The following LCLAT1 variants were observed in gnomAD, a reference collection of about 807,000 sequenced individuals.
LCLAT1 encodes the protein 1-AGP acyltransferase 8.
A neutral mutation model predicts 30.7 loss-of-function variants in LCLAT1; 11 were observed. That is an observed-to-expected ratio of 0.36 (90% confidence interval 0.23 to 0.59). The LOEUF is 0.59. LCLAT1 is among the 20% of genes least tolerant of loss of function. LCLAT1 has a pLI of 0.77. For synonymous variants in LCLAT1, 155 were observed against 151.3 expected, an observed-to-expected ratio of 1.02 and a Z score of -0.18; for missense variants, 402 against 458.6, an observed-to-expected ratio of 0.88 and a Z score of 1.13.
intron 1 of LCLAT1, among the ~76,000 whole-genome samples, chr2:30,487,241 G>C (rs187394097): frequency 6.6e-6 from 1 of 152,218 alleles, no homozygotes; most frequent in African/African-American, 2.4e-5. Context: ...AGAATGCAAA[G>C]TTGGGAACCA....
chr2:30,597,736 A>ATGCT (rs1486285722), intron 5 of LCLAT1, among the ~76,000 whole-genome samples: 1 of 152,180 alleles, frequency 6.6e-6, no homozygotes, highest in East Asian at 1.9e-4. Flanking sequence ...TTCAAGGGGA[A>ATGCT]TGCTTCCAGC....
chr2:30,456,994 T>C (rs1196991312), intron 1 of LCLAT1, among the ~76,000 whole-genome samples: 3 of 152,206 alleles, frequency 2.0e-5, no homozygotes, highest in African/African-American at 4.8e-5. Flanking sequence ...TAGTTTTGGG[T>C]TAGTTACTTG....
chr2:30,594,507 A>G (rs1241640884), intron 5 of LCLAT1, among the ~76,000 whole-genome samples: 1 of 152,154 alleles, frequency 6.6e-6, no homozygotes, highest in Non-Finnish European at 1.5e-5. Flanking sequence ...CTTAATTTGC[A>G]TCAAGTTTTA....
intron 5 of LCLAT1, among the ~76,000 whole-genome samples, chr2:30,592,573 A>G (rs929316427): frequency 3.3e-5 from 5 of 152,236 alleles, no homozygotes; most frequent in Non-Finnish European, 7.3e-5. Flanking sequence ...ATAAAACTGA[A>G]CTGAGATATC....
At chr2:30,465,802 G>T (rs1329091414) in intron 1 of LCLAT1, among the ~76,000 whole-genome samples, 1 of 152,090 alleles carries the variant, frequency 6.6e-6, no homozygotes, top group Non-Finnish European at 1.5e-5. Context: ...CTTTTGAATT[G>T]AGGACAATAA....
chr2:30,583,566 T>A (rs1046788639), intron 5 of LCLAT1, among the ~76,000 whole-genome samples: 1 of 152,198 alleles, frequency 6.6e-6, no homozygotes, highest in African/African-American at 2.4e-5. Context: ...TACTCTCACC[T>A]TGGGGAAGGG....
At chr2:30,511,778 G>A (rs1684951809) in intron 1 of LCLAT1, among the ~76,000 whole-genome samples, 1 of 152,210 alleles carries the variant, frequency 6.6e-6, no homozygotes, top group African/African-American at 2.4e-5. Context: ...GAATAGACAT[G>A]CAAGTTTATG....
At chr2:30,601,937 C>A (rs1351272991) in intron 5 of LCLAT1, among the ~76,000 whole-genome samples, 4 of 151,288 alleles carry the variant, frequency 2.6e-5, no homozygotes, top group African/African-American at 9.7e-5. Context: ...TCAAAACAGT[C>A]CAATAAAGAA....
intron 5 of LCLAT1, among the ~76,000 whole-genome samples, chr2:30,580,158 CTG>C (rs1339803712): frequency 6.6e-6 from 1 of 152,076 alleles, no homozygotes; most frequent in Non-Finnish European, 1.5e-5. Flanking sequence ...GGAGAAATGT[CTG>C]TGTCTTTACT....
At position 30,640,129 on chromosome 2, in the gene LCLAT1, A is replaced by C; in HGVS notation, c.641A>C (p.Asp214Ala). ...VDRLREGKNLDAVHDITVAYP... is the reference protein window; with the variant it reads ...VDRLREGKNLAAVHDITVAYP... ...TTTCGAAACCCAGGTAAGAACCTTGATGCTGTCCATGATATCACTGTGGCG... is the reference window on the plus strand; with the variant it reads ...TTTCGAAACCCAGGTAAGAACCTTGCTGCTGTCCATGATATCACTGTGGCG... The change falls in exon 6 of 6, where the codon GAT (aspartate) becomes GCT (alanine). Residue 214 changes from aspartate to alanine, a missense_variant. Transcript: ENST00000379509. 6.2e-7 allele frequency: 1 copy of C among 1,611,084 alleles called. No homozygotes were observed. The highest frequency in any genetic ancestry group is 8.5e-7 in the Non-Finnish European group (1 of 1,178,976).
intron 3 of LCLAT1, among the ~76,000 whole-genome samples, chr2:30,551,922 C>T (rs1222420258): frequency 6.6e-6 from 1 of 152,196 alleles, no homozygotes; most frequent in East Asian, 1.9e-4. Flanking sequence ...ATTGGGCCCA[C>T]TAGAATAATC....
chr2:30,564,084 A>G (rs918258367), intron 4 of LCLAT1, among the ~76,000 whole-genome samples: 1 of 152,192 alleles, frequency 6.6e-6, no homozygotes, highest in Non-Finnish European at 1.5e-5. Context: ...TTGAAAATAT[A>G]TTATTGTAAG....
At chr2:30,453,557 G>T (rs1186849465) in intron 1 of LCLAT1, among the ~76,000 whole-genome samples, 2 of 152,196 alleles carry the variant, frequency 1.3e-5, no homozygotes, top group Non-Finnish European at 2.9e-5. Flanking sequence ...ACACCAAAAC[G>T]TTTCTTGACT....
At chr2:30,538,648 AAAAT>A (rs887032357) in intron 3 of LCLAT1, among the ~76,000 whole-genome samples, 1 of 152,110 alleles carries the variant, frequency 6.6e-6, no homozygotes, top group African/African-American at 2.4e-5. Flanking sequence ...AAAAAAATAA[AAAAT>A]AAAAAAATTA....
intron 5 of LCLAT1, among the ~76,000 whole-genome samples, chr2:30,581,319 A>G (rs1280100525): frequency 6.6e-6 from 1 of 152,174 alleles, no homozygotes; most frequent in Non-Finnish European, 1.5e-5. Flanking sequence ...TATCTCAGGA[A>G]GATCATTTCT....
At position 30,454,636 on chromosome 2, in the gene LCLAT1, T is replaced by G. The variant is rs371112847; in HGVS notation, c.-5+7253T>G. ...TCTGGCTAATTTTTTTTTTTTTTTG[T>G]AGAGATATTGTTGTGTTGCCTGGGC... On this transcript the variant is annotated intron_variant, in intron 1 of 5. Coordinates refer to ENST00000379509, the MANE Select transcript of LCLAT1 (RefSeq NM_001002257.3). Among the ~76,000 whole-genome samples the G allele has an allele frequency of 2.4e-4, 35 of 146,550 alleles. No homozygotes were observed. The East Asian group carries it at 4.7e-3, about 20-fold the overall frequency.
At chr2:30,518,160 A>G (rs769579044) in intron 1 of LCLAT1, among the ~76,000 whole-genome samples, 2 of 152,244 alleles carry the variant, frequency 1.3e-5, no homozygotes, top group Non-Finnish European at 2.9e-5. Context: ...ATCTTAAAGT[A>G]TCGGGCTGTT....
intron 1 of LCLAT1, among the ~76,000 whole-genome samples, chr2:30,470,065 A>G (rs1208408695): frequency 6.6e-6 from 1 of 152,148 alleles, no homozygotes; most frequent in East Asian, 1.9e-4. Flanking sequence ...TCAGGAATGA[A>G]ATCACACGAG....
At chr2:30,546,908 AGATGAATGGATTCATCTTATT>A (rs1349852297) in intron 3 of LCLAT1, among the ~76,000 whole-genome samples, 3 of 152,048 alleles carry the variant, frequency 2.0e-5, no homozygotes, top group Non-Finnish European at 4.4e-5. Flanking sequence ...AACAAGAATA[AGATGAATGGATTCATCTTATT>A]GATGAATGTA....
Sources: allele counts gnomAD v4.1 joint callset (sites outside exome capture counted in the v4.1 genomes callset), GRCh38; gene constraint gnomAD v4.1.1; transcripts MANE v1.5; gene names NCBI Gene and HGNC (gene_info 2026-07-23, HGNC 2026-07-21).